The following BCR variants were observed in gnomAD, a reference collection of about 807,000 sequenced individuals.
BCR encodes breakpoint cluster region protein.
Under a neutral mutation model 138.6 loss-of-function variants are expected in BCR, and 58 were observed. The ratio of observed to expected loss-of-function variants is 0.42; its 90% CI spans 0.34 to 0.52. The LOEUF is 0.52. BCR is among the 20% of genes least tolerant of loss of function. The pLI is 0.06. For synonymous variants in BCR, 786 were observed against 730.1 expected (o/e 1.08, Z -1.23); for missense variants, 1,599 against 1,727.2 (o/e 0.93, Z 1.32).
chr22:23,233,299 C>T (rs1435432180), intron 1 of BCR, among the ~76,000 whole-genome samples: 1 of 152,222 alleles, frequency 6.6e-6, no homozygotes, highest in Non-Finnish European at 1.5e-5. Context: ...TCCTGCCGGC[C>T]TTTCTCCTGG....
chr22:23,261,575 C>T (rs781466249), intron 4 of BCR, 35 bp downstream of exon 4: 8 of 1,599,860 alleles, frequency 5.0e-6, no homozygotes, highest in South Asian at 4.4e-5. Context: ...GGACTACAGG[C>T]GTGTACCACC....
intron 1 of BCR, among the ~76,000 whole-genome samples, chr22:23,217,306 G>A (rs1035658131): frequency 1.3e-5 from 2 of 152,252 alleles, no homozygotes; most frequent in East Asian, 3.8e-4. Context: ...TCCACTGTTA[G>A]GTCCCATAAA....
chr22:23,218,326 G>C (rs565578716), intron 1 of BCR, among the ~76,000 whole-genome samples: 1 of 152,230 alleles, frequency 6.6e-6, no homozygotes, highest in Non-Finnish European at 1.5e-5. Flanking sequence ...ACCAGAAACT[G>C]TGTTCCCTTC....
At chr22:23,214,569 C>G (rs750244970) in intron 1 of BCR, among the ~76,000 whole-genome samples, 1 of 152,198 alleles carries the variant, frequency 6.6e-6, no homozygotes, top group South Asian at 2.1e-4. Flanking sequence ...CGGATTATTT[C>G]GTGCTTCGTG....
intron 6 of BCR, among the ~76,000 whole-genome samples, chr22:23,272,724 TG>T (rs2073523504): frequency 6.6e-6 from 1 of 152,242 alleles, no homozygotes; most frequent in African/African-American, 2.4e-5. Context: ...CCCTCTGGGC[TG>T]GGGAGCAGGT....
At chr22:23,272,489 G>A (rs956104281) in intron 6 of BCR, among the ~76,000 whole-genome samples, 9 of 152,238 alleles carry the variant, frequency 5.9e-5, no homozygotes, top group East Asian at 3.9e-4. Context: ...GGAGAAGCAC[G>A]GGTGGCTGAG....
Position 23,316,839 on chromosome 22 carries a change from A to AT in BCR, c.*1317_*1318insT, listed in dbSNP as rs2074077227. The AT allele has an allele frequency of 9.3e-6, 1 of 107,568 alleles. No homozygotes were observed. Among genetic ancestry groups the AT allele is most frequent in the African/African-American group, 5.1e-5 (1 of 19,764 alleles). 6.7% of individuals were successfully genotyped at this position (107,568 alleles called of 1,614,324 possible). A position where few individuals can be genotyped will look rare whatever the true frequency, so the allele number is the denominator to read the frequency against. On this transcript the variant is annotated 3_prime_UTR_variant, in exon 23 of 23. Transcript: ENST00000305877. ...ACCCTCCTGACCACCTGGCTCAAAG[A>AT]AAACAGAAGCATGGAGACCGCCAAG...
chr22:23,292,758 A>G (rs1030441109), intron 15 of BCR, 120 bp downstream of exon 15: 4 of 760,136 alleles, frequency 5.3e-6, no homozygotes, highest in Non-Finnish European at 8.3e-6. Flanking sequence ...AGTGCTGCTG[A>G]ATTCCAGGAA....
intron 1 of BCR, among the ~76,000 whole-genome samples, chr22:23,214,466 G>T (rs2072725520): frequency 6.6e-6 from 1 of 152,214 alleles, no homozygotes; most frequent in Non-Finnish European, 1.5e-5. Context: ...GGCTTGGGAG[G>T]TGCTGCTCTT....
chr22:23,256,761 C>G (rs2073299714), intron 2 of BCR, among the ~76,000 whole-genome samples: 1 of 152,166 alleles, frequency 6.6e-6, no homozygotes, highest in East Asian at 1.9e-4. Context: ...GTTCCAGCTC[C>G]CGCCCTCAGT....
rs547717231 is a variant in BCR, at chr22:23,315,513, C to T, written c.3807C>T (p.Thr1269=). The change falls in exon 23 of 23, where the codon ACC becomes ACT. Residue 1269 remains threonine (T), a synonymous_variant. Transcript: ENST00000305877. ...AGAGACAGAGCATCCTGTTCTCCAC[C>T]GAAGTCTAAAGGTCCCAGTCCATCT... ...DSKRQSILFS[T]EV 40 of 1,612,288 alleles carry T rather than the reference C, an allele frequency of 2.5e-5. No homozygotes were observed. Among genetic ancestry groups the T allele is most frequent in the East Asian group, 1.6e-4 (7 of 44,880 alleles).
chr22:23,290,159 A>C, intron 13 of BCR, 180 bp from the exon 14 acceptor site: 2 of 684,744 alleles, frequency 2.9e-6, no homozygotes, highest in East Asian at 5.0e-5. Context: ...GGATCCTGAG[A>C]TCCCCAAGAC....
chr22:23,287,011 G>T (rs2073721709), intron 10 of BCR, 148 bp from the exon 11 acceptor site: 4 of 1,355,974 alleles, frequency 2.9e-6, no homozygotes, highest in Non-Finnish European at 4.0e-6. Context: ...CAGCAACTGC[G>T]GTCTGGGGCC....
chr22:23,218,503 G>C (rs547055912), intron 1 of BCR, among the ~76,000 whole-genome samples: 24 of 152,376 alleles, frequency 1.6e-4, no homozygotes, highest in African/African-American at 5.0e-4. Flanking sequence ...GGACCGGAGA[G>C]CTGGGAAGCC....
intron 1 of BCR, among the ~76,000 whole-genome samples, chr22:23,242,404 T>A (rs918272850): frequency 6.6e-6 from 1 of 152,234 alleles, no homozygotes; most frequent in Non-Finnish European, 1.5e-5. Context: ...CAGAGGAATC[T>A]TTATGGCTTG....
intron 16 of BCR, chr22:23,302,405 T>C (rs2073911952): frequency 6.6e-6 from 1 of 152,372 alleles, no homozygotes; most frequent in Non-Finnish European, 1.5e-5. Flanking sequence ...ACTCCCGGGA[T>C]GCTGCGGCTT....
At chr22:23,211,638 C>T (rs1340458429) in intron 1 of BCR, among the ~76,000 whole-genome samples, 1 of 151,866 alleles carries the variant, frequency 6.6e-6, no homozygotes, top group African/African-American at 2.4e-5. Context: ...GCGCCCACCA[C>T]CACGCCTGGC....
rs775101020 is a variant in BCR, at chr22:23,261,395, C to A, written c.1607C>A (p.Pro536Gln). Residue 536 changes from proline to glutamine, a missense_variant, in exon 4 of 23, where the codon CCG becomes CAG. Physicochemically the swap from Pro to Gln is moderately conservative, Grantham distance 76 (BLOSUM62 -1). Around this residue, in one of 4 missense-constraint regions of BCR, gnomAD observed 590 missense variants for 762.4 expected, o/e 0.77. Transcript: ENST00000305877. ...PLKAAATTSQ[P>Q]VLTSQQIETI... ...AAAGCCGCTGCCACCACCTCTCAGC[C>A]GGTGCTGACGAGTCAGCAGATCGAG... 6.2e-7 allele frequency: 1 copy of A among 1,613,722 alleles called. No individual in the cohort carries two copies. Among genetic ancestry groups the A allele is most frequent in the South Asian group, 1.1e-5 (1 of 91,078 alleles).
intron 1 of BCR, among the ~76,000 whole-genome samples, chr22:23,220,155 ACTC>A (rs1285604193): frequency 6.6e-6 from 1 of 152,038 alleles, no homozygotes; most frequent in Admixed American, 6.5e-5. Flanking sequence ...CTGTGCCCCC[ACTC>A]CCATAGTGCT....
Sources: allele counts gnomAD v4.1 joint callset (sites outside exome capture counted in the v4.1 genomes callset), GRCh38; gene constraint gnomAD v4.1.1; regional missense constraint gnomAD v4.1.1; transcripts MANE v1.5; gene names NCBI Gene and HGNC (gene_info 2026-07-23, HGNC 2026-07-21).